The following BANK1 variants were observed in gnomAD, a reference collection of about 807,000 sequenced individuals.
BANK1 encodes the protein B-cell scaffold protein with ankyrin repeats.
BANK1 carries 95 observed loss-of-function variants against 94.5 expected under a neutral mutation model. The ratio of observed to expected loss-of-function variants is 1.00; its 90% confidence interval spans 0.85 to 1.19. The LOEUF is 1.19. Among genes scored for constraint, BANK1 ranks in the 50% most tolerant of loss-of-function variants. BANK1 has a pLI of 0.00. For synonymous variants in BANK1, 334 were observed against 308.4 expected (o/e 1.08, Z -0.87); for missense variants, 987 against 932.2 (o/e 1.06, Z -0.77).
intron 11 of BANK1, among the ~76,000 whole-genome samples, chr4:102,045,475 C>T (rs1324975526): frequency 2.6e-5 from 4 of 152,064 alleles, no homozygotes; most frequent in Non-Finnish European, 4.4e-5. Flanking sequence ...AAAGGGTATT[C>T]AATTGGGAAA....
chr4:101,894,090 C>A (rs973566320), intron 5 of BANK1, among the ~76,000 whole-genome samples: 67 of 152,150 alleles, frequency 4.4e-4, no homozygotes, highest in African/African-American at 1.6e-3. Context: ...TTTCTTCGTG[C>A]AATTGAGGCA....
At chr4:101,930,219 G>C (rs1044685950) in intron 7 of BANK1, among the ~76,000 whole-genome samples, 3 of 151,282 alleles carry the variant, frequency 2.0e-5, no homozygotes, top group Non-Finnish European at 3.0e-5. Flanking sequence ...CTATCTCTGA[G>C]TAGATGCTCT....
At chr4:101,839,947 T>A (rs1386318751) in intron 2 of BANK1, among the ~76,000 whole-genome samples, 1,069 of 21,666 alleles carry the variant, frequency 0.049, 68 homozygotes, top group African/African-American at 0.14. Context: ...ATTTTTTTTT[T>A]TTTTTTTTTT....
intron 7 of BANK1, among the ~76,000 whole-genome samples, chr4:101,939,094 C>G (rs889949321): frequency 8.6e-5 from 13 of 151,664 alleles, no homozygotes; most frequent in Non-Finnish European, 1.5e-4. Flanking sequence ...TGTCATTTTT[C>G]CTAGTTTTGC....
intron 7 of BANK1, among the ~76,000 whole-genome samples, chr4:101,956,279 C>A (rs959775068): frequency 2.0e-5 from 3 of 152,162 alleles, no homozygotes; most frequent in Non-Finnish European, 2.9e-5. Context: ...GTGACCTCTA[C>A]TTCCTCAAGG....
intron 9 of BANK1, among the ~76,000 whole-genome samples, chr4:102,026,125 C>A (rs190731105): frequency 5.1e-4 from 78 of 152,188 alleles, no homozygotes; most frequent in African/African-American, 1.8e-3. Context: ...GCATTTGTTC[C>A]CAGACGAAGG....
chr4:101,839,832 T>G (rs2148867088), intron 2 of BANK1, among the ~76,000 whole-genome samples: 1 of 151,970 alleles, frequency 6.6e-6, no homozygotes, highest in Admixed American at 6.5e-5. Flanking sequence ...GTGTAATTGT[T>G]TCTTAGGCTT....
intron 4 of BANK1, among the ~76,000 whole-genome samples, chr4:101,867,176 TAAAA>T (rs754806525): frequency 3.0e-5 from 1 of 33,378 alleles, no homozygotes. Context: ...AAAAAAAATT[TAAAA>T]AAAAAAAAAA....
intron 13 of BANK1, among the ~76,000 whole-genome samples, chr4:102,067,695 G>C (rs947412053): frequency 6.6e-6 from 1 of 151,826 alleles, no homozygotes; most frequent in Non-Finnish European, 1.5e-5. Context: ...AGCAAAATCT[G>C]ACAGCACTCA....
At chr4:101,897,917 A>G (rs1288650540) in intron 6 of BANK1, among the ~76,000 whole-genome samples, 1 of 152,006 alleles carries the variant, frequency 6.6e-6, no homozygotes, top group Non-Finnish European at 1.5e-5. Context: ...ATAGTAGTAT[A>G]TGAAAGTTTT....
intron 7 of BANK1, among the ~76,000 whole-genome samples, chr4:102,015,264 CT>C (rs1027154887): frequency 6.6e-6 from 1 of 151,734 alleles, no homozygotes; most frequent in Admixed American, 6.6e-5. Context: ...TCTATCTATG[CT>C]TTTTTTGGTA....
intron 11 of BANK1, among the ~76,000 whole-genome samples, chr4:102,058,903 G>A (rs1010122749): frequency 3.3e-5 from 5 of 152,026 alleles, no homozygotes; most frequent in South Asian, 2.1e-4. Flanking sequence ...TTCTGTGCAC[G>A]TGAATCTTTT....
chr4:101,834,009 A>C (rs767841607), intron 2 of BANK1, among the ~76,000 whole-genome samples: 3 of 152,194 alleles, frequency 2.0e-5, no homozygotes, highest in African/African-American at 7.2e-5. Context: ...GAAGATTGTT[A>C]GTAAAATTTT....
intron 1 of BANK1, among the ~76,000 whole-genome samples, chr4:101,800,143 AG>A (rs1472841664): frequency 1.2e-4 from 2 of 16,110 alleles, no homozygotes; most frequent in Non-Finnish European, 2.4e-4. Context: ...GGGTGGGGGG[AG>A]GGGGGAGGGA....
intron 11 of BANK1, among the ~76,000 whole-genome samples, chr4:102,044,253 T>G (rs545033344): frequency 0.017 from 2,529 of 152,228 alleles, 50 homozygotes; most frequent in African/African-American, 0.056. Flanking sequence ...CATTGTTCAA[T>G]TCCCACCTAT....
chr4:101,948,772 G>A (rs1236393076), intron 7 of BANK1, among the ~76,000 whole-genome samples: 1 of 152,008 alleles, frequency 6.6e-6, no homozygotes, highest in East Asian at 1.9e-4. Flanking sequence ...AAATGTAGTA[G>A]CTTAAAGCAA....
intron 6 of BANK1, among the ~76,000 whole-genome samples, chr4:101,906,919 C>G (rs1722473369): frequency 6.6e-6 from 1 of 152,154 alleles, no homozygotes; most frequent in African/African-American, 2.4e-5. Context: ...AAGATGCACC[C>G]ACAGAAATAT....
chr4:101,987,926 C>A (rs1725570942), intron 7 of BANK1, among the ~76,000 whole-genome samples: 1 of 152,174 alleles, frequency 6.6e-6, no homozygotes. Flanking sequence ...AAAGCCAGTG[C>A]AAGATTCTCC....
Position 102,025,188 on chromosome 4 carries a change from T to G in BANK1, c.1286-13T>G, listed in dbSNP as rs780545068. On this transcript the variant is annotated splice_polypyrimidine_tract_variant and intron_variant, in intron 8 of 16. Transcript: ENST00000322953. ...GTGTTTAAATGAAATCATGCAATCTTCATCATAAACAGCCACACAGAACCC... is the reference window on the plus strand; with the variant it reads ...GTGTTTAAATGAAATCATGCAATCTGCATCATAAACAGCCACACAGAACCC... 3.1e-6 allele frequency: 5 copies of G among 1,610,812 alleles called. No individual in the cohort carries two copies. In the South Asian group the frequency reaches 5.5e-5, roughly 18 times the overall value.
Sources: gnomAD v4.1 joint callset for allele counts (sites outside exome capture counted in the v4.1 genomes callset) on GRCh38, gnomAD v4.1.1 for gene constraint, MANE v1.5 for transcripts, NCBI Gene and HGNC (gene_info 2026-07-23, HGNC 2026-07-21) for gene names.